Variants in C10orf67 observed in about 807,000 individuals in gnomAD.
The protein encoded by C10orf67 is uncharacterized protein C10orf67, mitochondrial.
In C10orf67, 60 loss-of-function variants were observed where a neutral mutation model predicts 35.6. That is an observed-to-expected ratio of 1.68 (90% CI 1.37 to 2.09). C10orf67 has a LOEUF of 2.09. Among genes scored for constraint, C10orf67 ranks in the 30% most tolerant of loss-of-function variants. C10orf67 has a pLI of 0.00. For missense variants in C10orf67, 474 were observed against 330.2 expected (o/e 1.44, Z -3.38); for synonymous variants, 167 against 115.8 (o/e 1.44, Z -2.84).
intron 4 of C10orf67, chr10:23,318,817 T>C: frequency 2.7e-6 from 2 of 733,620 alleles, no homozygotes; most frequent in East Asian, 2.6e-5. Flanking sequence ...CAGGGTTACT[T>C]TCATGGCTCC....
intron 5 of C10orf67, among the ~76,000 whole-genome samples, chr10:23,301,331 TG>T (rs1160848669): frequency 6.6e-6 from 1 of 151,686 alleles, no homozygotes; most frequent in African/African-American, 2.4e-5. Flanking sequence ...AACCCAGAAG[TG>T]TTGGGGGTTG....
At chr10:23,329,476 A>T (rs1250828312) in intron 2 of C10orf67, among the ~76,000 whole-genome samples, 1 of 152,196 alleles carries the variant, frequency 6.6e-6, no homozygotes, top group Admixed American at 6.5e-5. Flanking sequence ...GAAGAAATAG[A>T]TATTCCCAAT....
intron 1 of C10orf67, among the ~76,000 whole-genome samples, chr10:23,341,997 C>A (rs980322435): frequency 2.0e-5 from 3 of 152,054 alleles, no homozygotes; most frequent in Non-Finnish European, 4.4e-5. Flanking sequence ...CACAGCAAGA[C>A]CCTGTATTAA....
chr10:23,302,357 G>A (rs2132284199), intron 5 of C10orf67, among the ~76,000 whole-genome samples: 1 of 152,166 alleles, frequency 6.6e-6, no homozygotes, highest in South Asian at 2.1e-4. Flanking sequence ...TTAGATTCAG[G>A]TGAACCTTGG....
rs1309461558 is a variant in C10orf67, at chr10:23,288,937, C to T, written c.909+963G>A. On this transcript the variant is annotated intron_variant, in intron 7 of 15. Coordinates refer to ENST00000636213, the MANE Select transcript of C10orf67 (RefSeq NM_001371909.1). ...TTCAGTGCCTCAGGCATCGTGCTCC[C>T]CACTAAGAGACCAGATAGCGCAGTT... Among the ~76,000 whole-genome samples the T allele has an allele frequency of 3.9e-5, 6 of 152,228 alleles. No homozygotes were observed. The East Asian group carries it at 1.2e-3, about 29-fold the overall frequency.
At chr10:23,299,152 C>A (rs1420637402) in intron 5 of C10orf67, among the ~76,000 whole-genome samples, 1 of 152,148 alleles carries the variant, frequency 6.6e-6, no homozygotes, top group East Asian at 1.9e-4. Flanking sequence ...AGAGGAACAA[C>A]AGACTCATTG....
intron 13 of C10orf67, among the ~76,000 whole-genome samples, chr10:23,237,954 C>G (rs1842090908): frequency 6.6e-6 from 1 of 152,168 alleles, no homozygotes; most frequent in Admixed American, 6.5e-5. Context: ...TCATAGCAAA[C>G]TTTTTCTTTC....
intron 1 of C10orf67, among the ~76,000 whole-genome samples, chr10:23,340,734 A>C (rs1373220612): frequency 1.3e-5 from 2 of 152,212 alleles, no homozygotes; most frequent in Admixed American, 1.3e-4. Flanking sequence ...ACATCACAAC[A>C]AATTAGCTAA....
chr10:23,306,031 G>A (rs1194439827), intron 4 of C10orf67, among the ~76,000 whole-genome samples: 1 of 151,762 alleles, frequency 6.6e-6, no homozygotes. Context: ...ATTTACAATG[G>A]TAGTATGTAC....
chr10:23,295,831 A>G (rs1027019821), intron 5 of C10orf67, among the ~76,000 whole-genome samples: 1 of 152,266 alleles, frequency 6.6e-6, no homozygotes, highest in Non-Finnish European at 1.5e-5. Context: ...GATATATACA[A>G]AAATTAATAT....
At chr10:23,277,035 T>C (rs1226676653) in intron 8 of C10orf67, among the ~76,000 whole-genome samples, 2 of 152,134 alleles carry the variant, frequency 1.3e-5, no homozygotes, top group Non-Finnish European at 2.9e-5. Flanking sequence ...TCTCAACATG[T>C]GGTCCAAGGA....
At chr10:23,325,762 G>C (rs982018854) in intron 2 of C10orf67, among the ~76,000 whole-genome samples, 7 of 150,478 alleles carry the variant, frequency 4.7e-5, no homozygotes, top group African/African-American at 1.5e-4. Flanking sequence ...CAAAATGTCA[G>C]AATTGCCAAA....
intron 15 of C10orf67, 41 bp from the exon 16 acceptor site, chr10:23,204,296 A>G (rs1036613718): frequency 6.0e-5 from 35 of 584,352 alleles, no homozygotes; most frequent in Non-Finnish European, 1.0e-4. Flanking sequence ...ACTTTGTTTT[A>G]CTTATCATAC....
chr10:23,255,547 TTGTGTTCA>T (rs113181098), intron 10 of C10orf67, among the ~76,000 whole-genome samples: 559 of 152,318 alleles, frequency 3.7e-3, no homozygotes, highest in African/African-American at 8.4e-3. Context: ...ATCCTAGACC[TTGTGTTCA>T]TGTGTTCATG....
At chr10:23,212,526 AAAC>A (rs374777502) in intron 15 of C10orf67, among the ~76,000 whole-genome samples, 13 of 152,218 alleles carry the variant, frequency 8.5e-5, no homozygotes, top group Admixed American at 3.9e-4. Flanking sequence ...GAAAGTTGAG[AAAC>A]AACAACAACA....
chr10:23,254,206 C>G (rs1314822971), intron 10 of C10orf67, among the ~76,000 whole-genome samples: 4 of 152,122 alleles, frequency 2.6e-5, no homozygotes, highest in Non-Finnish European at 5.9e-5. Flanking sequence ...TGTAATTTAA[C>G]AAAATGTGTG....
chr10:23,325,635 A>T (rs1418276351), intron 2 of C10orf67, among the ~76,000 whole-genome samples: 1 of 151,392 alleles, frequency 6.6e-6, no homozygotes, highest in African/African-American at 2.4e-5. Context: ...AGAAGATAAC[A>T]TCCACACTGT....
At chr10:23,262,603 T>C (rs1033767376) in intron 10 of C10orf67, among the ~76,000 whole-genome samples, 1 of 152,222 alleles carries the variant, frequency 6.6e-6, no homozygotes, top group Non-Finnish European at 1.5e-5. Context: ...ACAAATAAAA[T>C]GTTATAATTG....
At chr10:23,309,192 T>C (rs879615619) in intron 4 of C10orf67, among the ~76,000 whole-genome samples, 10 of 152,162 alleles carry the variant, frequency 6.6e-5, no homozygotes, top group Admixed American at 1.3e-4. Context: ...ATATATATCA[T>C]GGAATACTAT....
Sources: gnomAD v4.1 joint callset for allele counts (sites outside exome capture counted in the v4.1 genomes callset) on GRCh38, gnomAD v4.1.1 for gene constraint, MANE v1.5 for transcripts, NCBI Gene and HGNC (gene_info 2026-07-23, HGNC 2026-07-21) for gene names.